OTUD7A: variants seen among roughly 807,000 people sequenced by gnomAD.
The protein encoded by OTUD7A is OTU domain-containing protein 7A.
In OTUD7A, 12 loss-of-function variants were observed where a neutral mutation model predicts 65.7. That is an observed-to-expected ratio of 0.18 (90% CI 0.12 to 0.30). The LOEUF (loss-of-function observed/expected upper bound fraction) is 0.30. OTUD7A is among the 10% of genes least tolerant of loss of function. The pLI is 1.00. For missense variants in OTUD7A, 1,148 were observed against 1,304.8 expected, an observed-to-expected ratio of 0.88 and a Z score of 1.85; for synonymous variants, 641 against 586.3, an observed-to-expected ratio of 1.09 and a Z score of -1.35.
chr15:31,547,112 T>A (rs747010864), intron 5 of OTUD7A, among the ~76,000 whole-genome samples: 12 of 152,354 alleles, frequency 7.9e-5, no homozygotes, highest in Non-Finnish European at 1.8e-4. Context: ...TGGAAGCTGC[T>A]TGAACCTGAG....
intron 3 of OTUD7A, among the ~76,000 whole-genome samples, chr15:31,622,548 G>T (rs1321936508): frequency 6.6e-6 from 1 of 152,078 alleles, no homozygotes; most frequent in Non-Finnish European, 1.5e-5. Flanking sequence ...TCTTCCAGTT[G>T]ATGGAATTGG....
intron 3 of OTUD7A, among the ~76,000 whole-genome samples, chr15:31,570,925 A>G (rs1366752065): frequency 6.6e-6 from 1 of 152,240 alleles, no homozygotes; most frequent in Non-Finnish European, 1.5e-5. Context: ...AGGAAGGAGT[A>G]TCACACACTA....
At chr15:31,804,707 G>A (rs890895825) in intron 1 of OTUD7A, among the ~76,000 whole-genome samples, 2 of 152,302 alleles carry the variant, frequency 1.3e-5, no homozygotes, top group South Asian at 2.1e-4. Flanking sequence ...TCCTTCCCCA[G>A]AGGAGCTGTC....
intron 1 of OTUD7A, among the ~76,000 whole-genome samples, chr15:31,717,773 G>A (rs1163831785): frequency 3.9e-5 from 6 of 152,192 alleles, no homozygotes; most frequent in Non-Finnish European, 8.8e-5. Flanking sequence ...GGATTGCTGG[G>A]TCAAATGGTA....
intron 1 of OTUD7A, among the ~76,000 whole-genome samples, chr15:31,790,915 C>T (rs1253341168): frequency 6.6e-6 from 1 of 152,198 alleles, no homozygotes; most frequent in East Asian, 1.9e-4. Context: ...ACAATGGAGA[C>T]ACCTATGGAA....
chr15:31,733,371 A>C (rs76982550), intron 1 of OTUD7A, among the ~76,000 whole-genome samples: 10,098 of 152,172 alleles, frequency 0.066, 581 homozygotes, highest in East Asian at 0.3. Context: ...TCACTATCTG[A>C]GCAACTGTAG....
intron 1 of OTUD7A, among the ~76,000 whole-genome samples, chr15:31,776,197 C>A (rs1895375604): frequency 6.6e-6 from 1 of 152,190 alleles, no homozygotes; most frequent in Non-Finnish European, 1.5e-5. Flanking sequence ...GGTACCGCTC[C>A]CAGTAGGGCC....
chr15:31,726,060 T>TA (rs1893875517), intron 1 of OTUD7A, among the ~76,000 whole-genome samples: 1 of 152,090 alleles, frequency 6.6e-6, no homozygotes, highest in African/African-American at 2.4e-5. Context: ...CAGAGTTTTT[T>TA]TTTTTTTTTG....
At chr15:31,730,021 G>A (rs868819161) in intron 1 of OTUD7A, among the ~76,000 whole-genome samples, 87 of 152,254 alleles carry the variant, frequency 5.7e-4, no homozygotes, top group African/African-American at 2.0e-3. Flanking sequence ...CCAGGGTAAT[G>A]TTATTAGGAG....
intron 5 of OTUD7A, among the ~76,000 whole-genome samples, chr15:31,537,229 G>A (rs1307690369): frequency 1.3e-5 from 2 of 152,016 alleles, no homozygotes; most frequent in African/African-American, 4.8e-5. Flanking sequence ...AAAACTTCTT[G>A]GTTCTTTGTT....
At chr15:31,497,203 C>G (rs901757902) in intron 10 of OTUD7A, among the ~76,000 whole-genome samples, 13 of 152,134 alleles carry the variant, frequency 8.5e-5, no homozygotes, top group African/African-American at 3.1e-4. Context: ...GGCTCACAGG[C>G]TGTTTGTATA....
rs145740044 is a variant in OTUD7A, at chr15:31,517,888, C to T, written c.893+8461G>A. 6.2e-3 allele frequency among the ~76,000 whole-genome samples: 944 copies of T among 152,188 alleles called. 6 individuals are homozygous for T. The highest frequency in any genetic ancestry group is 0.022 in the African/African-American group (898 of 41,524). On this transcript the variant is annotated intron_variant, in intron 8 of 12. Transcript: ENST00000307050. The stretch of plus-strand genomic sequence containing the variant: ...CCTTGGAGACCATCCTCGGCAAGAG[C>T]GCGTGTCATAGATAAGGAAGCCAGT...
At chr15:31,628,910 T>G (rs1328128086) in intron 3 of OTUD7A, among the ~76,000 whole-genome samples, 1 of 152,234 alleles carries the variant, frequency 6.6e-6, no homozygotes. Context: ...TATTGGTGCA[T>G]AAGAATGCTT....
intron 1 of OTUD7A, among the ~76,000 whole-genome samples, chr15:31,755,589 G>A (rs1894789688): frequency 6.6e-6 from 1 of 152,084 alleles, no homozygotes; most frequent in African/African-American, 2.4e-5. Flanking sequence ...AGGCGTGCTG[G>A]CGGGCGCCTG....
chr15:31,841,995 A>G (rs764893144), intron 1 of OTUD7A, among the ~76,000 whole-genome samples: 2 of 152,092 alleles, frequency 1.3e-5, no homozygotes, highest in Non-Finnish European at 2.9e-5. Flanking sequence ...TGTTCATAAT[A>G]GCCCAAACTG....
intron 3 of OTUD7A, among the ~76,000 whole-genome samples, chr15:31,618,346 A>G (rs1890660963): frequency 1.3e-5 from 2 of 152,252 alleles, no homozygotes; most frequent in African/African-American, 2.4e-5. Flanking sequence ...TACCTGAGGA[A>G]TCGCCACACT....
chr15:31,634,374 T>C (rs1195427789), intron 3 of OTUD7A, among the ~76,000 whole-genome samples: 1 of 152,166 alleles, frequency 6.6e-6, no homozygotes, highest in African/African-American at 2.4e-5. Context: ...TGACCTCGCG[T>C]TGGGTGTCTC....
chr15:31,735,819 A>T (rs1894174502), intron 1 of OTUD7A, among the ~76,000 whole-genome samples: 1 of 152,246 alleles, frequency 6.6e-6, no homozygotes, highest in Admixed American at 6.5e-5. Flanking sequence ...CTAAATGCTC[A>T]TCAATAACAG....
chr15:31,858,365 A>C (rs989997355), intron 1 of OTUD7A, among the ~76,000 whole-genome samples: 4 of 152,168 alleles, frequency 2.6e-5, no homozygotes, highest in African/African-American at 7.2e-5. Flanking sequence ...CTAGCATGGA[A>C]GGCTTCGTTC....
Sources: allele counts gnomAD v4.1 joint callset (sites outside exome capture counted in the v4.1 genomes callset), GRCh38; gene constraint gnomAD v4.1.1; transcripts MANE v1.5; gene names NCBI Gene and HGNC (gene_info 2026-07-23, HGNC 2026-07-21).